Variants in TNRC6C observed in about 807,000 individuals in gnomAD.
TNRC6C encodes the protein trinucleotide repeat containing adaptor 6C.
TNRC6C carries 20 observed loss-of-function variants against 153.7 expected under a neutral mutation model. The observed-to-expected ratio is 0.13, with a 90% CI of 0.09 to 0.19. The LOEUF (loss-of-function observed/expected upper bound fraction) is 0.19, where lower values mean the gene tolerates loss of function less well. Ranked by LOEUF, TNRC6C falls within the 10% of genes least tolerant of loss-of-function variation. TNRC6C has a pLI of 1.00. For missense variants in TNRC6C, 1,987 were observed against 2,172.0 expected, an observed-to-expected ratio of 0.91 and a Z score of 1.69; for synonymous variants, 811 against 841.4, an observed-to-expected ratio of 0.96 and a Z score of 0.63.
Position 78,051,243 on chromosome 17 carries a change from T to C in TNRC6C, c.2181T>C (p.Gly727=), listed in dbSNP as rs1447134729. 8 of 1,558,052 alleles carry C rather than the reference T, an allele frequency of 5.1e-6. No homozygotes were observed. In the Admixed American group the frequency reaches 5.8e-5, roughly 11 times the overall value. ...GCCGCAAAATGGAAATTGATGATGG[T>C]ACCTCAGCTTGGGGGGACCCAAGCA... The change falls in exon 3 of 20, where the codon GGT becomes GGC. Residue 727 remains glycine, a synonymous_variant. Transcript: ENST00000301624.
exon 20 of TNRC6C, chr17:78,107,199 T>C (rs1250390618): frequency 6.6e-6 from 1 of 152,208 alleles, no homozygotes; most frequent in Non-Finnish European, 1.5e-5. Context: ...GTTTTAAAAT[T>C]GGGGATGGAA....
chr17:78,004,248 G>C, upstream of TNRC6C: 1 of 1,231,776 alleles, frequency 8.1e-7, no homozygotes. Context: ...AAAAGAAAAA[G>C]AAGGAAGGTG....
intron 1 of TNRC6C, among the ~76,000 whole-genome samples, chr17:77,980,141 A>T (rs2071054171): frequency 6.6e-6 from 1 of 152,254 alleles, no homozygotes; most frequent in African/African-American, 2.4e-5. Flanking sequence ...AGCACTGGAA[A>T]GGATAGATAG....
At chr17:78,093,057 T>C in exon 15 of TNRC6C, 1 of 1,613,756 alleles carries the variant, frequency 6.2e-7, no homozygotes, top group South Asian at 1.1e-5. Context: ...CTGTTCCCCA[T>C]AGCTGGTCAC....
chr17:78,100,300 GAGGT>G (rs2073566746), intron 17 of TNRC6C, among the ~76,000 whole-genome samples: 1 of 152,226 alleles, frequency 6.6e-6, no homozygotes, highest in Admixed American at 6.5e-5. Flanking sequence ...TGCCCTAGCA[GAGGT>G]TGTCCATGAG....
intron 3 of TNRC6C, among the ~76,000 whole-genome samples, chr17:78,064,295 C>A (rs1490131953): frequency 6.6e-6 from 1 of 152,176 alleles, no homozygotes; most frequent in East Asian, 1.9e-4. Flanking sequence ...CAGGGTTTCA[C>A]CATGTTGGCC....
intron 2 of TNRC6C, chr17:78,041,206 T>TG (rs2072287005): frequency 1.3e-5 from 2 of 152,246 alleles, no homozygotes; most frequent in African/African-American, 4.8e-5. Flanking sequence ...AGTCCGTTTG[T>TG]GACATAACAT....
intron 1 of TNRC6C, among the ~76,000 whole-genome samples, chr17:77,974,809 C>G (rs1048735080): frequency 1.3e-5 from 2 of 152,214 alleles, no homozygotes; most frequent in African/African-American, 2.4e-5. Flanking sequence ...ATTCACAGTT[C>G]TGTAGAGTTC....
chr17:78,050,181 T>A (rs1214159793), exon 3 of TNRC6C: 2 of 1,557,310 alleles, frequency 1.3e-6, no homozygotes. Flanking sequence ...GCCAGAACCC[T>A]ACCGTACAGC....
intron 3 of TNRC6C, among the ~76,000 whole-genome samples, chr17:78,056,749 G>A (rs1217594047): frequency 6.6e-6 from 1 of 151,832 alleles, no homozygotes; most frequent in Admixed American, 6.6e-5. Flanking sequence ...ACAGGCGTGA[G>A]CCACCACGCC....
chr17:78,056,140 A>G (rs966147239), intron 3 of TNRC6C, among the ~76,000 whole-genome samples: 5 of 149,622 alleles, frequency 3.3e-5, no homozygotes, highest in Non-Finnish European at 5.9e-5. Context: ...GTGAGCCACC[A>G]TGCCTGGCCA....
intron 1 of TNRC6C, among the ~76,000 whole-genome samples, chr17:78,028,551 G>A (rs1341690004): frequency 1.3e-5 from 2 of 152,168 alleles, no homozygotes; most frequent in South Asian, 2.1e-4. Flanking sequence ...CAGATAGACA[G>A]TGAGGCAAAG....
rs151133458 is a variant in TNRC6C, at chr17:78,094,683, G to A, written c.4306+920G>A. Among the ~76,000 whole-genome samples the A allele has an allele frequency of 9.5e-3, 1,445 of 152,216 alleles. 15 individuals are homozygous for A. Among genetic ancestry groups the A allele is most frequent in the South Asian group, 0.037 (179 of 4,826 alleles). ...TCGAACTCCTGACCTCAAGTGATCC[G>A]CCTGCTTTGGCCTCCCAAAGTGCTG... On this transcript the variant is annotated intron_variant, in intron 16 of 19. Transcript: ENST00000301624.
chr17:78,013,946 A>G (rs1013412243), intron 1 of TNRC6C, among the ~76,000 whole-genome samples: 1 of 152,180 alleles, frequency 6.6e-6, no homozygotes, highest in Non-Finnish European at 1.5e-5. Flanking sequence ...AGAGAATAAG[A>G]AGGCTTTTCC....
intron 1 of TNRC6C, among the ~76,000 whole-genome samples, chr17:77,960,800 G>A (rs764093150): frequency 6.6e-6 from 1 of 152,092 alleles, no homozygotes; most frequent in Non-Finnish European, 1.5e-5. Context: ...TGCAAAACAG[G>A]GTTTTTAAAA....
chr17:78,026,842 C>T (rs867365197), intron 1 of TNRC6C, among the ~76,000 whole-genome samples: 2 of 151,862 alleles, frequency 1.3e-5, no homozygotes, highest in African/African-American at 2.4e-5. Context: ...CAATGGTGAC[C>T]GTTGGAATGA....
chr17:78,077,068 T>G (rs2073097667), intron 8 of TNRC6C, 117 bp from the exon 11 acceptor site: 2 of 1,209,500 alleles, frequency 1.7e-6, no homozygotes, highest in Non-Finnish European at 2.3e-6. Context: ...TATCCACACT[T>G]TTTTGATCTG....
At chr17:78,028,356 C>T (rs1482908866) in intron 1 of TNRC6C, among the ~76,000 whole-genome samples, 6 of 152,130 alleles carry the variant, frequency 3.9e-5, no homozygotes, top group African/African-American at 1.4e-4. Flanking sequence ...ACAAGGCAGA[C>T]CCAGGAAGTT....
At chr17:77,961,249 G>A (rs749190932) in intron 1 of TNRC6C, among the ~76,000 whole-genome samples, 1 of 150,614 alleles carries the variant, frequency 6.6e-6, no homozygotes, top group Non-Finnish European at 1.5e-5. Context: ...TCCGCCTCCC[G>A]GGTTCAAGCG....
Sources: allele counts gnomAD v4.1 joint callset (sites outside exome capture counted in the v4.1 genomes callset), GRCh38; gene constraint gnomAD v4.1.1; transcripts MANE v1.5; gene names NCBI Gene and HGNC (gene_info 2026-07-23, HGNC 2026-07-21).